STPG2: variants seen among roughly 807,000 people sequenced by gnomAD.
STPG2 encodes the protein sperm-tail PG-rich repeat-containing protein 2.
In STPG2, 56 loss-of-function variants were observed where a neutral mutation model predicts 54.2. The ratio of observed to expected loss-of-function variants is 1.03; its 90% CI spans 0.83 to 1.29. The LOEUF (loss-of-function observed/expected upper bound fraction) is 1.29. Ranked by LOEUF, STPG2 falls within the 50% of genes most tolerant of loss-of-function variation. STPG2 has a pLI of 0.00. For synonymous variants in STPG2, 200 were observed against 181.8 expected (o/e 1.10, Z -0.81); for missense variants, 596 against 544.9 (o/e 1.09, Z -0.93).
intron 5 of STPG2, among the ~76,000 whole-genome samples, chr4:98,080,623 T>C (rs11727653): frequency 0.4 from 60,131 of 151,912 alleles, 12,142 homozygotes; most frequent in Middle Eastern, 0.46. Flanking sequence ...GAGGCCCATC[T>C]CAAATGATAA....
intron 5 of STPG2, among the ~76,000 whole-genome samples, chr4:97,984,059 C>G (rs948061791): frequency 3.9e-5 from 2 of 51,034 alleles, no homozygotes; most frequent in Non-Finnish European, 9.4e-5. Flanking sequence ...CTTTTTTGCT[C>G]AAACTTGTGA....
chr4:97,711,430 C>A (rs1045155560), intron 10 of STPG2, among the ~76,000 whole-genome samples: 1 of 152,070 alleles, frequency 6.6e-6, no homozygotes, highest in African/African-American at 2.4e-5. Flanking sequence ...TACAAATACC[C>A]ACCCTTGACT....
intron 10 of STPG2, among the ~76,000 whole-genome samples, chr4:97,627,684 A>G (rs1345635159): frequency 6.6e-6 from 1 of 152,188 alleles, no homozygotes; most frequent in East Asian, 1.9e-4. Context: ...GGATATAATT[A>G]TCTACAGATA....
At chr4:97,496,395 C>T (rs756293345) in intron 4 of STPG2, among the ~76,000 whole-genome samples, 1 of 151,666 alleles carries the variant, frequency 6.6e-6, no homozygotes, top group Non-Finnish European at 1.5e-5. Flanking sequence ...CCCCAAGACA[C>T]ATGCTGAACT....
Position 97,943,964 on chromosome 4 carries a change from G to T in STPG2, c.977C>A (p.Pro326His). 1 of 1,606,358 alleles carries T rather than the reference G, an allele frequency of 6.2e-7. No individual in the cohort carries two copies. The highest frequency in any genetic ancestry group is 8.5e-7 in the Non-Finnish European group (1 of 1,177,458). Reference sequence around the variant, plus strand: ...AGCAGCATATTTGTTAGTCAAGTTAGGTAATTCATCAGAAATTCCCACACC... The same window carrying T: ...AGCAGCATATTTGTTAGTCAAGTTATGTAATTCATCAGAAATTCCCACACC... ...SQGVGISDEL[P>H]NLTNKYAAFL... Residue 326 changes from proline (P) to histidine (H), a missense_variant, in exon 8 of 11, where the codon CCT becomes CAT. By Grantham distance (77) the Pro-to-His change is moderately conservative. Coordinates refer to ENST00000295268, the MANE Select transcript of STPG2 (RefSeq NM_174952.3).
At chr4:97,922,211 T>G (rs1248047904) in intron 8 of STPG2, among the ~76,000 whole-genome samples, 1 of 152,178 alleles carries the variant, frequency 6.6e-6, no homozygotes, top group Non-Finnish European at 1.5e-5. Flanking sequence ...ATTAGTTTTA[T>G]TACATCATTT....
chr4:97,948,591 C>A (rs2149237399), intron 7 of STPG2, among the ~76,000 whole-genome samples: 1 of 152,018 alleles, frequency 6.6e-6, no homozygotes, highest in African/African-American at 2.4e-5. Flanking sequence ...TTGCTGTATC[C>A]CAGAAGTTTT....
At chr4:97,680,037 G>GTA (rs1391801124) in intron 10 of STPG2, among the ~76,000 whole-genome samples, 1 of 152,088 alleles carries the variant, frequency 6.6e-6, no homozygotes, top group African/African-American at 2.4e-5. Context: ...TAGCCTTGTA[G>GTA]TATAGTTTGA....
chr4:97,520,063 T>G (rs1731150584), intron 4 of STPG2, among the ~76,000 whole-genome samples: 1 of 151,900 alleles, frequency 6.6e-6, no homozygotes, highest in Non-Finnish European at 1.5e-5. Context: ...AATCAATACA[T>G]ACAAAGTGGG....
In STPG2 at chr4:98,126,883, G is replaced by C. The variant is rs199939850; in HGVS notation, c.387+1545C>G. Among the ~76,000 whole-genome samples, 14 of 151,972 alleles carry C rather than the reference G, an allele frequency of 9.2e-5. No individual in the cohort carries two copies. The East Asian group carries it at 2.5e-3, about 27-fold the overall frequency. Reference sequence around the variant, plus strand: ...CCTGCAGGATCTGAGTGAAGGATAGGATTATTATTATTGTAAGTTTTTCTA... The same window carrying C: ...CCTGCAGGATCTGAGTGAAGGATAGCATTATTATTATTGTAAGTTTTTCTA... On this transcript the variant is annotated intron_variant, in intron 3 of 10. Coordinates refer to ENST00000295268, the MANE Select transcript of STPG2 (RefSeq NM_174952.3).
chr4:97,858,549 T>C (rs1321589781), intron 8 of STPG2, among the ~76,000 whole-genome samples: 2 of 152,286 alleles, frequency 1.3e-5, no homozygotes, highest in Non-Finnish European at 1.5e-5. Flanking sequence ...TATCCCTCTC[T>C]CCTCTCCTAC....
intron 10 of STPG2, among the ~76,000 whole-genome samples, chr4:97,573,435 T>G (rs1360900422): frequency 6.6e-6 from 1 of 151,960 alleles, no homozygotes; most frequent in Non-Finnish European, 1.5e-5. Context: ...TAAATCACCA[T>G]GTGTGAAATC....
intron 10 of STPG2, among the ~76,000 whole-genome samples, chr4:97,639,922 A>T (rs1437226663): frequency 2.0e-5 from 3 of 152,134 alleles, no homozygotes; most frequent in Non-Finnish European, 4.4e-5. Context: ...ATTCTACGCC[A>T]GGAGCTCTAA....
intron 5 of STPG2, among the ~76,000 whole-genome samples, chr4:97,985,949 AACAC>A (rs72477988): frequency 1.7e-4 from 24 of 144,502 alleles, no homozygotes; most frequent in East Asian, 1.2e-3. Flanking sequence ...AGCGCACACA[AACAC>A]ACACACACAC....
At chr4:97,680,143 G>T (rs1051430243) in intron 10 of STPG2, among the ~76,000 whole-genome samples, 2 of 150,760 alleles carry the variant, frequency 1.3e-5, no homozygotes, top group African/African-American at 4.9e-5. Flanking sequence ...CTTGAAAGTA[G>T]TTTTTTCCAA....
intron 10 of STPG2, among the ~76,000 whole-genome samples, chr4:97,611,587 C>T (rs754207369): frequency 1.3e-5 from 2 of 151,764 alleles, no homozygotes; most frequent in Non-Finnish European, 2.9e-5. Flanking sequence ...TATGCAAAAG[C>T]AATGACTAGA....
chr4:97,515,449 T>A (rs2148843563), intron 4 of STPG2, among the ~76,000 whole-genome samples: 1 of 151,940 alleles, frequency 6.6e-6, no homozygotes, highest in South Asian at 2.1e-4. Context: ...GTGCTTAGAG[T>A]GGGAAAGCAG....
chr4:97,441,921 ATAATT>A (rs1729092568), intron 4 of STPG2, among the ~76,000 whole-genome samples: 1 of 152,120 alleles, frequency 6.6e-6, no homozygotes. Flanking sequence ...CTTTCACAAT[ATAATT>A]TAATACACTA....
At chr4:97,660,700 T>G (rs1375259179) in intron 10 of STPG2, among the ~76,000 whole-genome samples, 1 of 152,282 alleles carries the variant, frequency 6.6e-6, no homozygotes, top group Non-Finnish European at 1.5e-5. Context: ...TGGTACAAAG[T>G]GGTTTATATG....
Sources: gnomAD v4.1 joint callset for allele counts (sites outside exome capture counted in the v4.1 genomes callset) on GRCh38, gnomAD v4.1.1 for gene constraint, MANE v1.5 for transcripts, NCBI Gene and HGNC (gene_info 2026-07-23, HGNC 2026-07-21) for gene names.